Variants in SHOX observed in about 807,000 individuals in gnomAD.
The protein encoded by SHOX is SHOX homeobox, also known as short stature homeobox protein.
Under a neutral mutation model 29.6 loss-of-function variants are expected in SHOX, and 12 were observed. The observed-to-expected ratio is 0.41, with a 90% CI of 0.26 to 0.66. The LOEUF (loss-of-function observed/expected upper bound fraction) is 0.66. SHOX is among the 30% of genes least tolerant of loss of function. The pLI is 0.35. For missense variants in SHOX, 499 were observed against 437.7 expected (o/e 1.14, Z -1.25); for synonymous variants, 214 against 200.6 (o/e 1.07, Z -0.57).
chrX:640,246 G>A (rs113518877), intron 2 of SHOX, among the ~76,000 whole-genome samples: 6,798 of 152,132 alleles, frequency 0.045, 249 homozygotes, highest in East Asian at 0.17. Flanking sequence ...TCGGGAAGCT[G>A]AGGCTGGAGA....
Position 650,027 on chromosome X carries a change from T to C in SHOX, c.*5391T>C, listed in dbSNP as rs2053030565. The C allele has an allele frequency of 2.2e-6, 1 of 455,874 alleles. No homozygotes were observed. The highest frequency in any genetic ancestry group is 2.0e-5 in the African/African-American group (1 of 50,064). 28.2% of individuals were successfully genotyped at this position (455,874 alleles called of 1,614,324 possible). ...TCGAGTCTCTGACTGGTGCATACTT[T>C]GCAAAGGTGTGTTCCTGGCAATTGC... On this transcript the variant is annotated 3_prime_UTR_variant, in exon 5 of 5. Transcript: ENST00000686671.
chrX:644,680 G>C lies in SHOX; in HGVS notation c.*44G>C. The C allele has an allele frequency of 7.2e-7, 1 of 1,393,900 alleles. No individual in the cohort carries two copies. Among genetic ancestry groups the C allele is most frequent in the Non-Finnish European group, 9.2e-7 (1 of 1,085,712 alleles). 86.3% of individuals were successfully genotyped at this position (1,393,900 alleles called of 1,614,324 possible). A position where few individuals can be genotyped will look rare whatever the true frequency, so the allele number is the denominator to read the frequency against. On this transcript the variant is annotated 3_prime_UTR_variant, in exon 5 of 5. Transcript: ENST00000686671. ...GCGCGCCCGGACTCCCGGGCTCCGCGCACCCCGCCTGCACCGCGCGTCCTG... is the reference window on the plus strand; with the variant it reads ...GCGCGCCCGGACTCCCGGGCTCCGCCCACCCCGCCTGCACCGCGCGTCCTG...
chrX:624,393 T>TTG (rs2052461922), exon 1 of SHOX: 1 of 151,412 alleles, frequency 6.6e-6, no homozygotes, highest in Non-Finnish European at 1.5e-5. Context: ...ACACTTTTTT[T>TTG]TTTTTTGGTT....
At chrX:630,051 C>A (rs1356978448), upstream of SHOX, among the ~76,000 whole-genome samples, 1 of 152,128 alleles carries the variant, frequency 6.6e-6, no homozygotes, top group African/African-American at 2.4e-5. Context: ...TAGATCTTTA[C>A]GAACCGGATC....
intron 1 of SHOX, among the ~76,000 whole-genome samples, chrX:634,152 C>T (rs747933721): frequency 2.5e-4 from 38 of 152,312 alleles, no homozygotes; most frequent in Non-Finnish European, 2.9e-4. Flanking sequence ...GGAGGGACCC[C>T]CAGCCCTCCT....
downstream of SHOX, among the ~76,000 whole-genome samples, chrX:651,676 C>T (rs1167458586): frequency 1.3e-5 from 2 of 149,458 alleles, no homozygotes; most frequent in Admixed American, 6.7e-5. Flanking sequence ...CTGAGTCGGC[C>T]GTGGCTGAAC....
chrX:631,476 G>C (rs1457802834), intron 1 of SHOX, among the ~76,000 whole-genome samples: 1 of 152,168 alleles, frequency 6.6e-6, no homozygotes, highest in African/African-American at 2.4e-5. Flanking sequence ...GGCTGTGCCT[G>C]AAGCCGTAGG....
At chrX:628,458 C>T (rs1262108801), upstream of SHOX, among the ~76,000 whole-genome samples, 9 of 108,056 alleles carry the variant, frequency 8.3e-5, no homozygotes, top group African/African-American at 2.9e-4. Flanking sequence ...TCTCTCTCTC[C>T]ATCTCTCTCT....
intron 2 of SHOX, among the ~76,000 whole-genome samples, chrX:635,859 A>G (rs1336109661): frequency 2.8e-4 from 6 of 21,510 alleles, no homozygotes; most frequent in Non-Finnish European, 6.5e-4. Context: ...GGGGGGAGGG[A>G]GAGAGAGAGA....
At chrX:652,268 A>T (rs1340355651), downstream of SHOX, among the ~76,000 whole-genome samples, 1 of 151,732 alleles carries the variant, frequency 6.6e-6, no homozygotes, top group Non-Finnish European at 1.5e-5. Context: ...TGCAAGGATG[A>T]TTGAGTCATT....
At chrX:655,321 A>G (rs1420691682), downstream of SHOX, among the ~76,000 whole-genome samples, 1 of 151,418 alleles carries the variant, frequency 6.6e-6, no homozygotes, top group African/African-American at 2.4e-5. Context: ...GTTAGCCAGG[A>G]TGGTCTTGAT....
rs978900358 is a variant in SHOX at position 646,022 on chromosome X, G to C, written c.*1386G>C. 1 of 151,930 alleles carries C rather than the reference G, an allele frequency of 6.6e-6. No homozygotes were observed. The highest frequency in any genetic ancestry group is 1.5e-5 in the Non-Finnish European group (1 of 68,040). 9.4% of individuals were successfully genotyped at this position (151,930 alleles called of 1,614,324 possible). On this transcript the variant is annotated 3_prime_UTR_variant, in exon 5 of 5. Transcript: ENST00000686671. The stretch of plus-strand genomic sequence containing the variant: ...AGCGATGCTCCTGCCTCAGCCTCCC[G>C]AGTAGCTGGGACTACAGGCACCTGC...
At chrX:652,542 G>C (rs1477010675), downstream of SHOX, among the ~76,000 whole-genome samples, 1 of 151,852 alleles carries the variant, frequency 6.6e-6, no homozygotes, top group East Asian at 1.9e-4. Context: ...TTTCTCTGTG[G>C]GGGGCTCAGA....
chrX:654,666 G>T (rs540471153), downstream of SHOX, among the ~76,000 whole-genome samples: 9 of 152,206 alleles, frequency 5.9e-5, no homozygotes, highest in African/African-American at 2.2e-4. Flanking sequence ...TATTCAGCAG[G>T]CAAGAGGATA....
chrX:642,739 ATCCCCGGGAGAGGCTTGGGGACCTGGTG>A (rs1232363509), intron 4 of SHOX, among the ~76,000 whole-genome samples: 1 of 150,472 alleles, frequency 6.6e-6, no homozygotes, highest in Middle Eastern at 3.3e-3. Flanking sequence ...GGGACCTGGT[ATCCCCGGGAGAGGCTTGGGGACCTGGTG>A]TCCCGGGAGA....
intron 1 of SHOX, among the ~76,000 whole-genome samples, chrX:625,436 G>C (rs1339766371): frequency 6.6e-6 from 1 of 152,002 alleles, no homozygotes; most frequent in Non-Finnish European, 1.5e-5. Context: ...CTTCTCATCG[G>C]CTTGGTGTGC....
chrX:632,667 T>C (rs1171638059), intron 1 of SHOX, among the ~76,000 whole-genome samples: 1 of 152,162 alleles, frequency 6.6e-6, no homozygotes, highest in Non-Finnish European at 1.5e-5. Flanking sequence ...AGCAGAAAGC[T>C]GTGGCTACGG....
Position 645,296 on chromosome X carries a change from G to A in SHOX, c.*660G>A, listed in dbSNP as rs2052944830. 1 of 151,836 alleles carries A rather than the reference G, an allele frequency of 6.6e-6. No individual in the cohort carries two copies. The highest frequency in any genetic ancestry group is 2.4e-5 in the African/African-American group (1 of 41,308). 9.4% of individuals were successfully genotyped at this position (151,836 alleles called of 1,614,324 possible). ...GGGAGACCCGAACCTCCCACGTTGGGACTCCCACGTTCCGGGGACCTGAAT... is the reference window on the plus strand; with the variant it reads ...GGGAGACCCGAACCTCCCACGTTGGAACTCCCACGTTCCGGGGACCTGAAT... On this transcript the variant is annotated 3_prime_UTR_variant, in exon 5 of 5. Transcript: ENST00000686671.
intron 4 of SHOX, 100 bp downstream of exon 4, chrX:641,187 T>G: frequency 8.6e-7 from 1 of 1,158,848 alleles, no homozygotes; most frequent in Non-Finnish European, 1.3e-6. Context: ...AGTCCCTCCC[T>G]GCCCCTGCAG....
Sources: allele counts gnomAD v4.1 joint callset (sites outside exome capture counted in the v4.1 genomes callset), GRCh38; gene constraint gnomAD v4.1.1; transcripts MANE v1.5; gene names NCBI Gene and HGNC (gene_info 2026-07-23, HGNC 2026-07-21).